TMEM40: variants seen among roughly 807,000 people sequenced by gnomAD.
The protein encoded by TMEM40 is transmembrane protein 40.
In TMEM40, 34 loss-of-function variants were observed where a neutral mutation model predicts 40.8. The ratio of observed to expected loss-of-function variants is 0.83; its 90% CI spans 0.63 to 1.11. TMEM40 has a LOEUF of 1.11. Ranked by LOEUF, TMEM40 falls within the 50% of genes least tolerant of loss-of-function variation. TMEM40 has a pLI of 0.00. For missense variants in TMEM40, 296 were observed against 280.2 expected (o/e 1.06, Z -0.40); for synonymous variants, 106 against 107.0 (o/e 0.99, Z 0.06).
chr3:12,765,566 CTTTTTT>C (rs530745103), intron 1 of TMEM40, among the ~76,000 whole-genome samples: 3 of 125,704 alleles, frequency 2.4e-5, no homozygotes, highest in South Asian at 2.4e-4. Context: ...TGTTTGATTA[CTTTTTT>C]TTTTTTTTTT....
chr3:12,752,849 A>G (rs1208074754), intron 1 of TMEM40, among the ~76,000 whole-genome samples: 1 of 152,060 alleles, frequency 6.6e-6, no homozygotes, highest in Non-Finnish European at 1.5e-5. Context: ...CCAGGACCAC[A>G]CAGTAAGTGG....
chr3:12,741,771 A>G (rs1324734989), intron 5 of TMEM40, among the ~76,000 whole-genome samples: 3 of 149,140 alleles, frequency 2.0e-5, no homozygotes, highest in African/African-American at 7.3e-5. Context: ...TTGTAACAAA[A>G]AAAAAAAAAA....
At position 12,738,723 on chromosome 3, in the gene TMEM40, C is replaced by G. The variant is rs1030626501; in HGVS notation, c.356-135G>C. On this transcript the variant is annotated intron_variant, in intron 5 of 11. Coordinates refer to ENST00000314124, the MANE Select transcript of TMEM40 (RefSeq NM_018306.4). ...TCGGCCAGGTGGGGAATGGAGCCGG[C>G]TGGAGGGTTCCTGTTCCAACTAAAG... 3 of 887,208 alleles carry G rather than the reference C, an allele frequency of 3.4e-6. No homozygotes were observed. The African/African-American group carries it at 4.9e-5, about 15-fold the overall frequency. 55.0% of individuals were successfully genotyped at this position (887,208 alleles called of 1,614,324 possible).
intron 1 of TMEM40, among the ~76,000 whole-genome samples, chr3:12,765,679 C>T (rs1445175031): frequency 6.6e-6 from 1 of 151,374 alleles, no homozygotes; most frequent in Non-Finnish European, 1.5e-5. Context: ...ACGCCATTCT[C>T]CTGCCTCAGC....
intron 2 of TMEM40, among the ~76,000 whole-genome samples, chr3:12,749,182 A>G (rs1045056256): frequency 2.6e-5 from 4 of 151,946 alleles, no homozygotes; most frequent in African/African-American, 9.7e-5. Flanking sequence ...CCACCGCCAC[A>G]CCCGGCTAAT....
At chr3:12,746,685 A>T (rs1042638552) in intron 3 of TMEM40, among the ~76,000 whole-genome samples, 1 of 152,112 alleles carries the variant, frequency 6.6e-6, no homozygotes, top group Non-Finnish European at 1.5e-5. Context: ...AGGGACCAGG[A>T]TCCTGAATGT....
At chr3:12,763,138 C>T (rs1422978644), upstream of TMEM40, among the ~76,000 whole-genome samples, 4 of 123,290 alleles carry the variant, frequency 3.2e-5, no homozygotes, top group South Asian at 7.6e-4. Context: ...CCAGCCTGGG[C>T]GACAGAGTGA....
rs1319422630 is a variant in TMEM40 at position 12,739,990 on chromosome 3, TCA to T, written c.356-1404_356-1403del. ...AGGTGTGAGCCACCATGTCTGGCTC[TCA>T]CAATCATAATTTTACATATATAATA... On this transcript the variant is annotated intron_variant, in intron 5 of 11. Coordinates refer to ENST00000314124, the MANE Select transcript of TMEM40 (RefSeq NM_018306.4). Among the ~76,000 whole-genome samples the T allele has an allele frequency of 4.0e-5, 6 of 148,182 alleles. No homozygotes were observed. In the South Asian group the frequency reaches 1.3e-3, roughly 31 times the overall value.
intron 1 of TMEM40, 68 bp from the exon 2 acceptor site, chr3:12,749,908 G>A (rs2061460399): frequency 1.4e-6 from 2 of 1,389,894 alleles, no homozygotes; most frequent in Non-Finnish European, 2.0e-6. Context: ...AAAGAGCTTG[G>A]CAAATAAATA....
intron 5 of TMEM40, 45 bp from the exon 6 acceptor site, chr3:12,738,633 G>A (rs189885436): frequency 5.3e-5 from 85 of 1,600,178 alleles, no homozygotes; most frequent in South Asian, 1.7e-4. Context: ...TGATCCTCTG[G>A]GGGGGGAGAA....
At chr3:12,744,542 G>C (rs2061412043) in intron 3 of TMEM40, among the ~76,000 whole-genome samples, 1 of 152,216 alleles carries the variant, frequency 6.6e-6, no homozygotes, top group Non-Finnish European at 1.5e-5. Context: ...CAGTGGACAT[G>C]AGGGCCAGCG....
chr3:12,743,901 G>A lies in TMEM40; in HGVS notation c.300C>T (p.Pro100=), dbSNP rs1240228265. ...GAGYPHGNGS[P]GPGHGEPDVL... ...AAAATGGTAAGGCCTATTTCCTACC[G>A]GGTGAGCCGTTCCCGTGGGGGTATC... The change falls in exon 4 of 12, where the codon CCC becomes CCT. Residue 100 remains proline, a splice_region_variant and synonymous_variant. Transcript: ENST00000314124. 2.0e-5 allele frequency: 33 copies of A among 1,613,038 alleles called. No individual in the cohort carries two copies. Among genetic ancestry groups the A allele is most frequent in the Non-Finnish European group, 2.3e-5 (27 of 1,179,648 alleles).
At chr3:12,746,913 G>A (rs1205522083) in intron 3 of TMEM40, among the ~76,000 whole-genome samples, 1 of 152,100 alleles carries the variant, frequency 6.6e-6, no homozygotes, top group African/African-American at 2.4e-5. Context: ...GCCCAGGGAG[G>A]AGAAACAAAA....
At chr3:12,753,883 C>T (rs2061498322) in intron 1 of TMEM40, among the ~76,000 whole-genome samples, 1 of 152,206 alleles carries the variant, frequency 6.6e-6, no homozygotes, top group Non-Finnish European at 1.5e-5. Context: ...AGGGCCTGGG[C>T]CCAGGGCAGG....
At chr3:12,743,093 A>AC (rs1250010788) in intron 4 of TMEM40, among the ~76,000 whole-genome samples, 31 of 151,930 alleles carry the variant, frequency 2.0e-4, no homozygotes, top group African/African-American at 7.2e-4. Flanking sequence ...ACAATAATTC[A>AC]CCCCTTTTCC....
intron 7 of TMEM40, 67 bp from the exon 8 acceptor site, chr3:12,737,821 C>G: frequency 1.3e-6 from 2 of 1,487,076 alleles, no homozygotes; most frequent in Non-Finnish European, 1.9e-6. Flanking sequence ...TTTCTTTTCC[C>G]TGCCTCATTG....
At chr3:12,751,461 G>A (rs1328743637) in intron 1 of TMEM40, among the ~76,000 whole-genome samples, 1 of 151,640 alleles carries the variant, frequency 6.6e-6, no homozygotes, top group African/African-American at 2.4e-5. Context: ...TGTATTTTTA[G>A]TAGAGACGTG....
At chr3:12,746,268 C>T (rs958969111) in intron 3 of TMEM40, among the ~76,000 whole-genome samples, 5 of 152,118 alleles carry the variant, frequency 3.3e-5, no homozygotes, top group African/African-American at 1.2e-4. Flanking sequence ...TTGCTAGTCC[C>T]TAGTACCCAT....
Position 12,764,265 on chromosome 3 carries a change from A to G in TMEM40, c.-9+4986T>C, listed in dbSNP as rs2061584859. 3.3e-5 allele frequency among the ~76,000 whole-genome samples: 5 copies of G among 152,198 alleles called. 1 individual carries two copies. Among genetic ancestry groups the G allele is most frequent in the Admixed American group, 3.3e-4 (5 of 15,280 alleles). On this transcript the variant is annotated intron_variant, in intron 1 of 11. Coordinates refer to the TMEM40 transcript ENST00000264728. Reference sequence around the variant, plus strand: ...TGTCTGTGAGGGCAGCACCTGTCTTAGTCATCTTAAAGCATCTATTAAATT... The same window carrying G: ...TGTCTGTGAGGGCAGCACCTGTCTTGGTCATCTTAAAGCATCTATTAAATT...
Sources: gnomAD v4.1 joint callset for allele counts (sites outside exome capture counted in the v4.1 genomes callset) on GRCh38, gnomAD v4.1.1 for gene constraint, MANE v1.5 for transcripts, NCBI Gene and HGNC (gene_info 2026-07-23, HGNC 2026-07-21) for gene names.